Variants in ARMC2 observed in about 807,000 individuals in gnomAD.
ARMC2 encodes armadillo repeat containing 2, also known as armadillo repeat-containing protein 2.
In ARMC2, 67 loss-of-function variants were observed where a neutral mutation model predicts 90.3. The ratio of observed to expected loss-of-function variants is 0.74; its 90% CI spans 0.61 to 0.91. The LOEUF (loss-of-function observed/expected upper bound fraction) is 0.91. Ranked by LOEUF, ARMC2 falls within the 40% of genes least tolerant of loss-of-function variation. The pLI is 0.00. For missense variants in ARMC2, 920 were observed against 1,030.9 expected (o/e 0.89, Z 1.47); for synonymous variants, 393 against 393.0 (o/e 1.00, Z 0.00).
At chr6:108,993,869 C>T in the ARMC2 span, among the ~76,000 whole-genome samples, 8 of 151,738 alleles carry the variant, frequency 5.3e-5, no homozygotes, top group Non-Finnish European at 1.0e-4. Flanking sequence ...TACAAACTGC[C>T]GTGCCCAAAA....
At chr6:108,898,987 A>G (rs926155847) in intron 6 of ARMC2, among the ~76,000 whole-genome samples, 5 of 152,206 alleles carry the variant, frequency 3.3e-5, no homozygotes, top group African/African-American at 9.6e-5. Context: ...TTAATTATAT[A>G]CTGTATATTG....
the ARMC2 span, among the ~76,000 whole-genome samples, chr6:109,037,367 C>T: frequency 2.0e-5 from 3 of 152,194 alleles, no homozygotes; most frequent in Admixed American, 1.3e-4. Flanking sequence ...CATTATTAGG[C>T]CGTAGAAACC....
the ARMC2 span, among the ~76,000 whole-genome samples, chr6:109,024,196 A>G: frequency 9.8e-4 from 149 of 152,166 alleles, no homozygotes; most frequent in Non-Finnish European, 5.1e-4. Flanking sequence ...AAAACCCTTC[A>G]CCTGCCTCTC....
Position 108,878,952 on chromosome 6 carries a change from G to C in ARMC2, c.671+2602G>C, listed in dbSNP as rs115035715. Among the ~76,000 whole-genome samples the C allele has an allele frequency of 4.3e-3, 635 of 146,674 alleles. 3 individuals are homozygous for C. Among genetic ancestry groups the C allele is most frequent in the African/African-American group, 0.015 (595 of 39,702 alleles). ...ACATATCTACCCATACATCCACCCAGACACCCATTCATCCACCCATCCAAC... is the reference window on the plus strand; with the variant it reads ...ACATATCTACCCATACATCCACCCACACACCCATTCATCCACCCATCCAAC... On this transcript the variant is annotated intron_variant, in intron 5 of 17. Coordinates refer to ENST00000392644, the MANE Select transcript of ARMC2 (RefSeq NM_032131.6).
At chr6:108,985,592 A>T in the ARMC2 span, among the ~76,000 whole-genome samples, 1 of 152,276 alleles carries the variant, frequency 6.6e-6, no homozygotes, top group South Asian at 2.1e-4. Flanking sequence ...AACTCATTAA[A>T]ATTTTGATTT....
rs112773938 is a variant in ARMC2, at chr6:108,939,017, C to T, written c.1596+2018C>T. Among the ~76,000 whole-genome samples the T allele has an allele frequency of 2.8e-3, 423 of 152,112 alleles. 1 individual carries two copies. Among genetic ancestry groups the T allele is most frequent in the African/African-American group, 9.9e-3 (409 of 41,502 alleles). On this transcript the variant is annotated intron_variant, in intron 12 of 17. Transcript: ENST00000392644. ...TTTTTAAAATAAAGATGAGGTCTCA[C>T]TATGTTGCCCAGGCTGGCCTGGAGC...
intron 16 of ARMC2, among the ~76,000 whole-genome samples, chr6:108,964,617 G>A (rs1476337347): frequency 6.6e-6 from 1 of 152,004 alleles, no homozygotes; most frequent in African/African-American, 2.4e-5. Context: ...CTACTAAAAA[G>A]ACAAAAATTA....
At chr6:109,019,395 A>T in the ARMC2 span, among the ~76,000 whole-genome samples, 6 of 152,360 alleles carry the variant, frequency 3.9e-5, no homozygotes, top group Non-Finnish European at 7.3e-5. Context: ...TCAAAGTCTT[A>T]TTCTCATTAA....
chr6:109,020,303 AGATTT>A, the ARMC2 span, among the ~76,000 whole-genome samples: 1 of 152,272 alleles, frequency 6.6e-6, no homozygotes, highest in African/African-American at 2.4e-5. Context: ...AAAATAGATT[AGATTT>A]TAGTATTGTA....
At chr6:108,992,174 C>G in the ARMC2 span, among the ~76,000 whole-genome samples, 1 of 152,230 alleles carries the variant, frequency 6.6e-6, no homozygotes, top group Non-Finnish European at 1.5e-5. Flanking sequence ...TCACAACTCA[C>G]CGCAGCCTCA....
chr6:109,027,085 G>A, the ARMC2 span, among the ~76,000 whole-genome samples: 11 of 152,088 alleles, frequency 7.2e-5, no homozygotes, highest in African/African-American at 2.4e-4. Flanking sequence ...CACGAGAATC[G>A]CTTGAATCTG....
In ARMC2 at chr6:108,966,630, AT is replaced by A. The variant is rs968858302; in HGVS notation, c.2446+1499del. ...ACACAATAAGGAAAAAAAAGTGAGCATTTTTTTTTAATCATTGAGGTTCACA... is the reference window on the plus strand; with the variant it reads ...ACACAATAAGGAAAAAAAAGTGAGCATTTTTTTTAATCATTGAGGTTCACA... On this transcript the variant is annotated intron_variant, in intron 17 of 17. Transcript: ENST00000392644. 6.6e-3 allele frequency among the ~76,000 whole-genome samples: 1,002 copies of A among 151,632 alleles called. 11 individuals are homozygous for A. Among genetic ancestry groups the A allele is most frequent in the African/African-American group, 0.023 (937 of 41,330 alleles).
At chr6:109,022,649 C>T in the ARMC2 span, among the ~76,000 whole-genome samples, 1 of 151,846 alleles carries the variant, frequency 6.6e-6, no homozygotes, top group East Asian at 1.9e-4. Flanking sequence ...CTCCTGACCT[C>T]GTGATCTGTC....
chr6:108,930,087 A>T (rs1420381496), intron 11 of ARMC2, among the ~76,000 whole-genome samples: 1 of 151,700 alleles, frequency 6.6e-6, no homozygotes, highest in Non-Finnish European at 1.5e-5. Flanking sequence ...AGATAGTGCC[A>T]CTTGCACTCC....
At chr6:108,950,626 G>A (rs1195824311) in intron 12 of ARMC2, among the ~76,000 whole-genome samples, 1 of 152,168 alleles carries the variant, frequency 6.6e-6, no homozygotes, top group Non-Finnish European at 1.5e-5. Context: ...CCTACTTGAG[G>A]GTGGAGGGTG....
At chr6:109,005,537 A>G in the ARMC2 span, among the ~76,000 whole-genome samples, 9 of 152,362 alleles carry the variant, frequency 5.9e-5, no homozygotes, top group African/African-American at 2.2e-4. Flanking sequence ...TATATAGTTT[A>G]TATGCCAAAT....
chr6:109,032,533 G>A, the ARMC2 span, among the ~76,000 whole-genome samples: 14 of 150,812 alleles, frequency 9.3e-5, no homozygotes, highest in Admixed American at 1.3e-4. Flanking sequence ...CAGGAGAATC[G>A]CTTGAACCCA....
chr6:108,937,040 AC>A, intron 12 of ARMC2, 41 bp downstream of exon 12: 1 of 1,467,856 alleles, frequency 6.8e-7, no homozygotes, highest in Non-Finnish European at 9.3e-7. Context: ...GAGTCTTTAC[AC>A]TAATGTGTTT....
In ARMC2 at chr6:108,892,168, C is replaced by G. The variant is rs144240713; in HGVS notation, c.672-2299C>G. Among the ~76,000 whole-genome samples the G allele has an allele frequency of 4.0e-3, 615 of 152,138 alleles. 2 individuals carry two copies. Among genetic ancestry groups the G allele is most frequent in the African/African-American group, 0.014 (576 of 41,498 alleles). On this transcript the variant is annotated intron_variant, in intron 5 of 17. Coordinates refer to ENST00000392644, the MANE Select transcript of ARMC2 (RefSeq NM_032131.6). ...ATGTATTGAAAGCAAGGCCTTGTCC[C>G]TAGTCTCAAACCTTCTTGTTATTTC... is the stretch of plus-strand genomic sequence containing the variant.
Sources: allele counts gnomAD v4.1 joint callset (sites outside exome capture counted in the v4.1 genomes callset), GRCh38; gene constraint gnomAD v4.1.1; transcripts MANE v1.5; gene names NCBI Gene and HGNC (gene_info 2026-07-23, HGNC 2026-07-21).